The following TRAP1 variants were observed in gnomAD, a reference collection of about 807,000 sequenced individuals.
TRAP1 encodes the protein TNF receptor associated protein 1.
A neutral mutation model predicts 89.1 loss-of-function variants in TRAP1; 102 were observed. That is an observed-to-expected ratio of 1.15 (90% confidence interval 0.98 to 1.35). The LOEUF is 1.35. TRAP1 is among the 40% of genes most tolerant of loss of function. The pLI is 0.00. For missense variants in TRAP1, 1,256 were observed against 945.3 expected (o/e 1.33, Z -4.31); for synonymous variants, 508 against 388.0 (o/e 1.31, Z -3.64).
intron 1 of TRAP1, among the ~76,000 whole-genome samples, chr16:3,702,177 G>A (rs1054973078): frequency 2.7e-5 from 4 of 149,724 alleles, no homozygotes; most frequent in South Asian, 2.1e-4. Flanking sequence ...CCCTGCTGTC[G>A]ATGTTGAGGT....
chr16:3,666,818 G>A (rs188925627), intron 11 of TRAP1, among the ~76,000 whole-genome samples: 9 of 152,280 alleles, frequency 5.9e-5, no homozygotes, highest in Admixed American at 5.9e-4. Context: ...GGATTTTAGG[G>A]ATCAGGATAT....
At chr16:3,668,360 A>G (rs1367690256) in intron 11 of TRAP1, among the ~76,000 whole-genome samples, 2 of 152,154 alleles carry the variant, frequency 1.3e-5, no homozygotes, top group Non-Finnish European at 2.9e-5. Context: ...GCGCCCGGCC[A>G]ACACATAAAT....
intron 3 of TRAP1, among the ~76,000 whole-genome samples, chr16:3,687,584 T>C (rs2051154094): frequency 6.6e-6 from 1 of 152,058 alleles, no homozygotes; most frequent in Admixed American, 6.6e-5. Context: ...AGACCTTCCA[T>C]TTAAAATCAG....
intron 15 of TRAP1, 65 bp from the exon 16 acceptor site, chr16:3,662,197 T>TA: frequency 1.3e-6 from 2 of 1,561,212 alleles, no homozygotes; most frequent in East Asian, 2.3e-5. Context: ...GGCAGGATCT[T>TA]ACCAGGGGTG....
At chr16:3,675,259 G>T in intron 8 of TRAP1, 65 bp downstream of exon 8, 1 of 1,528,368 alleles carries the variant, frequency 6.5e-7, no homozygotes. Context: ...TCTCTTCTCC[G>T]CTGCCCTGAA....
chr16:3,664,425 G>A lies in TRAP1; in HGVS notation c.1418C>T (p.Ser473Leu), dbSNP rs771557989. ...GGTTAGCTGCCCGGAGGGCAGCGCC[G>A]AGGACTCGTAGCGCAGCAGCTTTGC... is the stretch of plus-strand genomic sequence containing the variant. ...DIAKLLRYES[S>L]ALPSGQLTSL... Residue 473 changes from serine to leucine, a missense_variant, in exon 13 of 18, where the codon TCG (serine) becomes TTG (leucine). Ser to Leu is a moderately radical substitution (Grantham distance 145). Transcript: ENST00000246957. 42 of 1,612,084 alleles carry A rather than the reference G, an allele frequency of 2.6e-5. No individual in the cohort carries two copies. Among genetic ancestry groups the A allele is most frequent in the South Asian group, 5.5e-5 (5 of 90,764 alleles).
At chr16:3,710,873 A>ATTTTTTTTTTTT (rs199927286) in intron 1 of TRAP1, among the ~76,000 whole-genome samples, 1 of 106,062 alleles carries the variant, frequency 9.4e-6, no homozygotes, top group African/African-American at 4.8e-5. Context: ...ATATATATAT[A>ATTTTTTTTTTTT]TATATATTTT....
chr16:3,700,756 G>A lies in TRAP1; in HGVS notation c.89-9771C>T, dbSNP rs1030184675. ...GGTGGGATTACAGAAGTGAGCCACC[G>A]CACCTGGCCAAGGGTGCATATTTCA... On this transcript the variant is annotated intron_variant, in intron 1 of 17. Coordinates refer to ENST00000246957, the MANE Select transcript of TRAP1 (RefSeq NM_016292.3). 5.3e-5 allele frequency among the ~76,000 whole-genome samples: 8 copies of A among 152,218 alleles called. No individual in the cohort carries two copies. The South Asian group carries it at 6.2e-4, about 12-fold the overall frequency.
intron 7 of TRAP1, 94 bp downstream of exon 7, chr16:3,675,942 G>T (rs936966412): frequency 3.6e-6 from 4 of 1,121,110 alleles, no homozygotes; most frequent in Admixed American, 2.2e-5. Context: ...TGCACCCTAC[G>T]TGCAGGTAGA....
At chr16:3,665,842 TGGCAGC>T (rs2050818279) in intron 12 of TRAP1, 123 bp downstream of exon 12, 1 of 1,202,196 alleles carries the variant, frequency 8.3e-7, no homozygotes, top group Middle Eastern at 2.8e-4. Context: ...CTGACCCTGG[TGGCAGC>T]AGCAGCAGCA....
chr16:3,661,869 C>G, intron 16 of TRAP1, 118 bp downstream of exon 16: 3 of 1,313,856 alleles, frequency 2.3e-6, no homozygotes, highest in Non-Finnish European at 3.0e-6. Context: ...TTATAGTTAC[C>G]CACATGTCCA....
intron 11 of TRAP1, 48 bp from the exon 12 acceptor site, chr16:3,666,166 T>C (rs1371972601): frequency 4.4e-6 from 7 of 1,576,138 alleles, no homozygotes; most frequent in African/African-American, 1.4e-5. Flanking sequence ...CTCTATGAAA[T>C]ACAAATGGCC....
intron 4 of TRAP1, among the ~76,000 whole-genome samples, chr16:3,684,082 C>T (rs2051107688): frequency 6.6e-6 from 1 of 152,050 alleles, no homozygotes; most frequent in African/African-American, 2.4e-5. Flanking sequence ...AGGAGAATCA[C>T]TTAAATCCGG....
At position 3,658,111 on chromosome 16, in the gene TRAP1, C is replaced by T. The variant is rs773262735; in HGVS notation, c.*18G>A. The T allele has an allele frequency of 1.1e-5, 17 of 1,613,104 alleles. No individual in the cohort carries two copies. Among genetic ancestry groups the T allele is most frequent in the Non-Finnish European group, 1.4e-5 (16 of 1,179,310 alleles). On this transcript the variant is annotated 3_prime_UTR_variant, in exon 18 of 18. Coordinates refer to ENST00000246957, the MANE Select transcript of TRAP1 (RefSeq NM_016292.3). Reference sequence around the variant, plus strand: ...GGGGCTGTCATCTGTGGTGTCAGTCCTTCTGGCCCCCTGGCTGTCAGTGTC... The same window carrying T: ...GGGGCTGTCATCTGTGGTGTCAGTCTTTCTGGCCCCCTGGCTGTCAGTGTC...
chr16:3,696,443 CAG>C (rs2051288477), intron 1 of TRAP1, among the ~76,000 whole-genome samples: 1 of 152,164 alleles, frequency 6.6e-6, no homozygotes, highest in African/African-American at 2.4e-5. Context: ...CACACTTAAA[CAG>C]AGGAGGAGCA....
chr16:3,717,310 T>C (rs1253760206), intron 1 of TRAP1, 111 bp downstream of exon 1: 2 of 392,218 alleles, frequency 5.1e-6, no homozygotes, highest in Non-Finnish European at 8.6e-6. Context: ...TCGCCGGACC[T>C]CCCACGCCTG....
intron 11 of TRAP1, among the ~76,000 whole-genome samples, chr16:3,670,038 A>C (rs1313037958): frequency 6.6e-6 from 1 of 151,914 alleles, no homozygotes; most frequent in Non-Finnish European, 1.5e-5. Flanking sequence ...GTGCAAATAA[A>C]CTAGGTAGAA....
intron 1 of TRAP1, among the ~76,000 whole-genome samples, chr16:3,715,167 A>T (rs1175725874): frequency 6.6e-6 from 1 of 152,258 alleles, no homozygotes; most frequent in Non-Finnish European, 1.5e-5. Context: ...GGCTGGGCAC[A>T]GCGGCTCACG....
At chr16:3,709,647 C>CTT (rs148037686) in intron 1 of TRAP1, among the ~76,000 whole-genome samples, 1 of 151,654 alleles carries the variant, frequency 6.6e-6, no homozygotes, top group African/African-American at 2.4e-5. Context: ...CTTTGTTTCC[C>CTT]TTTTTTTTGT....
Sources: gnomAD v4.1 joint callset for allele counts (sites outside exome capture counted in the v4.1 genomes callset) on GRCh38, gnomAD v4.1.1 for gene constraint, MANE v1.5 for transcripts, NCBI Gene and HGNC (gene_info 2026-07-23, HGNC 2026-07-21) for gene names.